The following CRACDL variants were observed in gnomAD, a reference collection of about 807,000 sequenced individuals.
CRACDL encodes CRACD like.
CRACDL carries 26 observed loss-of-function variants against 70.6 expected under a neutral mutation model. That is an observed-to-expected ratio of 0.37 (90% CI 0.27 to 0.51). The LOEUF (loss-of-function observed/expected upper bound fraction) is 0.51. Among genes scored for constraint, CRACDL ranks in the 20% least tolerant of loss-of-function variants. The pLI, the probability that CRACDL is intolerant of heterozygous loss-of-function variation, is 0.94. For synonymous variants in CRACDL, 618 were observed against 615.2 expected, an observed-to-expected ratio of 1.00 and a Z score of -0.07; for missense variants, 1,283 against 1,376.9, an observed-to-expected ratio of 0.93 and a Z score of 1.08.
At chr2:98,795,077 A>ATATATATATTTTTTTTTTTTTTTTTT in intron 9 of CRACDL, among the ~76,000 whole-genome samples, 1 of 58,510 alleles carries the variant, frequency 1.7e-5, no homozygotes, top group South Asian at 9.7e-4. Flanking sequence ...ATATATATAT[A>ATATATATATTTTTTTTTTTTTTTTTT]TTTTTTTTTT....
chr2:98,868,667 G>T (rs1707234839), intron 1 of CRACDL, among the ~76,000 whole-genome samples: 1 of 152,030 alleles, frequency 6.6e-6, no homozygotes. Flanking sequence ...TTTAGGTAGT[G>T]GCATAATTAC....
In CRACDL at chr2:98,822,772, G is replaced by C; in HGVS notation, c.1501C>G (p.Arg501Gly). ...GGGCCCTCGCTGGCGGCCGCGGGCC[G>C]GTGTTTCAGGCAGCTCTTGGGCGCC... ...PPAPKSCLKH[R>G]PAAASEGPAA... Residue 501 changes from arginine (R) to glycine (G), a missense_variant, in exon 7 of 10, where the codon CGG becomes GGG. Arg to Gly is a moderately radical substitution (Grantham distance 125, BLOSUM62 -2). Coordinates refer to ENST00000397899, the MANE Select transcript of CRACDL (RefSeq NM_207362.3). The surrounding 1 kb of genome is among the most constrained non-coding windows in gnomAD (Gnocchi z 4.9). 7.8e-7 allele frequency: 1 copy of C among 1,286,264 alleles called. No individual in the cohort carries two copies. The highest frequency in any genetic ancestry group is 3.8e-5 in the Admixed American group (1 of 26,222). The allele number at this position is 1,286,264 out of a possible 1,614,324, so 79.7% of individuals were successfully genotyped here. A position where few individuals can be genotyped will look rare whatever the true frequency, so the allele number is the denominator to read the frequency against.
chr2:98,887,660 A>G (rs1558623721), intron 1 of CRACDL, among the ~76,000 whole-genome samples: 1 of 152,214 alleles, frequency 6.6e-6, no homozygotes, highest in Non-Finnish European at 1.5e-5. Flanking sequence ...AAGAAGCTTG[A>G]TGACCTTCAA....
chr2:98,797,884 T>G (rs1703896775), intron 7 of CRACDL, among the ~76,000 whole-genome samples: 1 of 152,186 alleles, frequency 6.6e-6, no homozygotes, highest in Admixed American at 6.5e-5. Context: ...CAGTATGTAC[T>G]GGTCCAAATG....
At chr2:98,852,274 C>A (rs1368572060) in intron 1 of CRACDL, among the ~76,000 whole-genome samples, 1 of 152,180 alleles carries the variant, frequency 6.6e-6, no homozygotes, top group African/African-American at 2.4e-5. Flanking sequence ...AAGATAACAG[C>A]TGGGAGGCTG....
chr2:98,892,091 T>TA (rs924519487), intron 1 of CRACDL, among the ~76,000 whole-genome samples: 4 of 151,998 alleles, frequency 2.6e-5, no homozygotes, highest in South Asian at 4.2e-4. Flanking sequence ...CTTGTAGGAG[T>TA]AAAAAAATCA....
At chr2:98,929,730 T>C (rs567630900) in intron 1 of CRACDL, among the ~76,000 whole-genome samples, 2 of 152,162 alleles carry the variant, frequency 1.3e-5, no homozygotes, top group African/African-American at 4.8e-5. Flanking sequence ...TAAGGGGCAT[T>C]TGTCAAATTG....
intron 1 of CRACDL, among the ~76,000 whole-genome samples, chr2:98,895,803 C>T (rs949458088): frequency 6.6e-6 from 1 of 152,120 alleles, no homozygotes; most frequent in African/African-American, 2.4e-5. Flanking sequence ...GAAATCTTAA[C>T]CCCAAGCTGA....
chr2:98,838,182 G>A lies in CRACDL; in HGVS notation c.176C>T (p.Thr59Met), dbSNP rs374411841. 31 of 1,613,874 alleles carry A rather than the reference G, an allele frequency of 1.9e-5. No individual in the cohort carries two copies. Among genetic ancestry groups the A allele is most frequent in the African/African-American group, 5.3e-5 (4 of 74,914 alleles). The change falls in exon 3 of 10, where the codon ACG (threonine) becomes ATG (methionine). Residue 59 changes from threonine (T) to methionine (M), a missense_variant. Around this residue, in one of 2 missense-constraint regions of CRACDL, gnomAD observed 362 missense variants for 495.0 expected, o/e 0.73. Coordinates refer to ENST00000397899, the MANE Select transcript of CRACDL (RefSeq NM_207362.3). The stretch of plus-strand genomic sequence containing the variant: ...TTCGATGGCAATGACCTCATTCCTC[G>A]TCTGACTTTGTTTCCAGGTGCTACT... The part of the protein sequence containing the change: ...TGSSTWKQSQ[T>M]RNEVIAIESG...
At chr2:98,805,718 C>A (rs1329530155) in intron 7 of CRACDL, among the ~76,000 whole-genome samples, 1 of 152,228 alleles carries the variant, frequency 6.6e-6, no homozygotes, top group Non-Finnish European at 1.5e-5. Flanking sequence ...TCTTTCCCAG[C>A]CACCAGCATG....
At chr2:98,914,945 GCAGTTGGAGGGTGTC>G (rs1285699974) in intron 1 of CRACDL, among the ~76,000 whole-genome samples, 1 of 152,242 alleles carries the variant, frequency 6.6e-6, no homozygotes, top group East Asian at 1.9e-4. Context: ...GATGCTGTTT[GCAGTTGGAGGGTGTC>G]CAGTGGGCAA....
chr2:98,804,753 C>T (rs947442196), intron 7 of CRACDL, among the ~76,000 whole-genome samples: 1 of 152,132 alleles, frequency 6.6e-6, no homozygotes, highest in Non-Finnish European at 1.5e-5. Context: ...GGTGTCAATG[C>T]GTCAACAATA....
intron 1 of CRACDL, among the ~76,000 whole-genome samples, chr2:98,927,401 C>G (rs145847980): frequency 0.011 from 1,604 of 152,138 alleles, 10 homozygotes; most frequent in Admixed American, 0.02. Context: ...ATTCCCTGCA[C>G]TAAATCCTCT....
At chr2:98,861,528 AAATGTGAAAC>A (rs1558608207) in intron 1 of CRACDL, among the ~76,000 whole-genome samples, 1 of 152,192 alleles carries the variant, frequency 6.6e-6, no homozygotes, top group African/African-American at 2.4e-5. Context: ...CAGTGCCTCA[AAATGTGAAAC>A]GTAAAATTAC....
At chr2:98,880,590 G>C (rs1268300398) in intron 1 of CRACDL, among the ~76,000 whole-genome samples, 3 of 152,080 alleles carry the variant, frequency 2.0e-5, no homozygotes, top group Non-Finnish European at 4.4e-5. Flanking sequence ...TTTCTGAGCG[G>C]GTGTTTGCAG....
In CRACDL at chr2:98,794,674, G is replaced by T. The variant is rs1703724444; in HGVS notation, c.2750-3C>A. On this transcript the variant is annotated splice_region_variant and splice_polypyrimidine_tract_variant and intron_variant, in intron 9 of 9. Transcript: ENST00000397899. ...CTCCATCATCACTGCAGACTGAGCT[G>T]CTTGGAAGGGAGACAAAACCAACAG... 5 of 1,604,458 alleles carry T rather than the reference G, an allele frequency of 3.1e-6. No homozygotes were observed. In the African/African-American group the frequency reaches 5.4e-5, roughly 17 times the overall value.
intron 1 of CRACDL, among the ~76,000 whole-genome samples, chr2:98,874,310 A>T (rs934218031): frequency 6.6e-6 from 1 of 152,262 alleles, no homozygotes; most frequent in Non-Finnish European, 1.5e-5. Flanking sequence ...ATCCCTGATC[A>T]AAATCGAAAC....
intron 1 of CRACDL, among the ~76,000 whole-genome samples, chr2:98,866,701 C>A (rs1707161739): frequency 6.6e-6 from 1 of 151,432 alleles, no homozygotes; most frequent in African/African-American, 2.4e-5. Flanking sequence ...ACCATGTTGG[C>A]CAGGCTGGTC....
At chr2:98,875,995 A>G (rs1163128699) in intron 1 of CRACDL, among the ~76,000 whole-genome samples, 1 of 152,162 alleles carries the variant, frequency 6.6e-6, no homozygotes, top group East Asian at 1.9e-4. Flanking sequence ...CAGGTTTTCC[A>G]TCAGTCAGCC....
Sources: allele counts gnomAD v4.1 joint callset (sites outside exome capture counted in the v4.1 genomes callset), GRCh38; gene constraint gnomAD v4.1.1; regional missense constraint gnomAD v4.1.1; non-coding constraint Gnocchi (gnomAD v3.1); transcripts MANE v1.5; gene names NCBI Gene and HGNC (gene_info 2026-07-23, HGNC 2026-07-21).